Variants in STRN observed in about 807,000 individuals in gnomAD.
The protein encoded by STRN is protein phosphatase 2 regulatory subunit B'''alpha.
STRN carries 53 observed loss-of-function variants against 96.3 expected under a neutral mutation model. The ratio of observed to expected loss-of-function variants is 0.55; its 90% CI spans 0.44 to 0.69. STRN has a LOEUF of 0.69. Ranked by LOEUF, STRN falls within the 30% of genes least tolerant of loss-of-function variation. STRN has a pLI of 0.00. For missense variants in STRN, 987 were observed against 963.9 expected (o/e 1.02, Z -0.32); for synonymous variants, 428 against 355.9 (o/e 1.20, Z -2.28).
chr2:36,849,668 T>C, intron 17 of STRN, 43 bp from the exon 18 acceptor site: 1 of 1,612,676 alleles, frequency 6.2e-7, no homozygotes, highest in Non-Finnish European at 8.5e-7. Context: ...TACATTAACA[T>C]GAAAATGGTA....
rs935322437 is a variant in STRN at position 36,841,896 on chromosome 2, T to C, written c.*7560A>G. 6.6e-6 allele frequency: 1 copy of C among 152,232 alleles called. No homozygotes were observed. Among genetic ancestry groups the C allele is most frequent in the African/African-American group, 2.4e-5 (1 of 41,460 alleles). The allele number at this position is 152,232 out of a possible 1,614,324, so 9.4% of individuals were successfully genotyped here. ...GTGGTATACTGCCAGCCCATTGAAG[T>C]TGAAATGGAAGACAATGTGGCTCAG... is the stretch of plus-strand genomic sequence containing the variant. On this transcript the variant is annotated 3_prime_UTR_variant, in exon 18 of 18. Transcript: ENST00000263918.
chr2:36,946,745 C>T (rs1043606549), intron 1 of STRN, among the ~76,000 whole-genome samples: 2 of 152,068 alleles, frequency 1.3e-5, no homozygotes, highest in African/African-American at 2.4e-5. Context: ...TTTCTTCTAA[C>T]GTAAAATTTA....
At chr2:36,882,327 A>G (rs1165942042) in intron 9 of STRN, among the ~76,000 whole-genome samples, 2 of 152,240 alleles carry the variant, frequency 1.3e-5, no homozygotes, top group Non-Finnish European at 2.9e-5. Flanking sequence ...AAAAATATAC[A>G]TTAATCATAA....
intron 7 of STRN, among the ~76,000 whole-genome samples, chr2:36,887,237 T>C (rs1669259410): frequency 6.7e-6 from 1 of 150,250 alleles, no homozygotes; most frequent in South Asian, 2.1e-4. Context: ...AAGACCAGCC[T>C]GACCAACAGG....
At chr2:36,893,743 C>G (rs1451087089) in intron 7 of STRN, among the ~76,000 whole-genome samples, 155 bp downstream of exon 7, 2 of 151,984 alleles carry the variant, frequency 1.3e-5, no homozygotes, top group Non-Finnish European at 2.9e-5. Flanking sequence ...CTTAAACATA[C>G]ACACACATTC....
At chr2:36,925,260 T>A (rs753414824) in intron 1 of STRN, 52 bp from the exon 2 acceptor site, 2 of 1,334,798 alleles carry the variant, frequency 1.5e-6, no homozygotes, top group South Asian at 2.5e-5. Context: ...AAAAAAAGTT[T>A]TTTTAACTCA....
chr2:36,858,339 T>C (rs1262112794), intron 13 of STRN, among the ~76,000 whole-genome samples: 1 of 152,210 alleles, frequency 6.6e-6, no homozygotes, highest in African/African-American at 2.4e-5. Flanking sequence ...ACGAAATCAT[T>C]TGAATTTAAT....
chr2:36,886,896 G>C (rs893587023), intron 7 of STRN, 70 bp from the exon 8 acceptor site: 1 of 1,223,598 alleles, frequency 8.2e-7, no homozygotes, highest in Non-Finnish European at 1.1e-6. Flanking sequence ...CAGTATGTCT[G>C]AATGACGTAA....
intron 3 of STRN, among the ~76,000 whole-genome samples, chr2:36,908,998 G>A (rs1040395979): frequency 6.8e-6 from 1 of 147,122 alleles, no homozygotes. Context: ...AAACACCCCA[G>A]AAAAAAAAAT....
At chr2:36,961,697 TA>T (rs1420629072) in intron 1 of STRN, among the ~76,000 whole-genome samples, 1 of 152,180 alleles carries the variant, frequency 6.6e-6, no homozygotes, top group Non-Finnish European at 1.5e-5. Flanking sequence ...GGGTCCCTTT[TA>T]AAGATGGTGT....
rs749932125 is a variant in STRN at position 36,899,654 on chromosome 2, A to C, written c.664T>G (p.Ser222Ala). The change falls in exon 6 of 18, where the codon TCT becomes GCT. Residue 222 changes from serine to alanine, a missense_variant. Coordinates refer to ENST00000263918, the MANE Select transcript of STRN (RefSeq NM_003162.4). ...EVKETAMIAK[S>A]ELTDSASVLD... Reference sequence around the variant, plus strand: ...ACGGAGGCAGAATCTGTTAACTCAGATTTTCTGGTGTAAAACATGTATATC... The same window carrying C: ...ACGGAGGCAGAATCTGTTAACTCAGCTTTTCTGGTGTAAAACATGTATATC... 6 of 1,605,960 alleles carry C rather than the reference A, an allele frequency of 3.7e-6. No homozygotes were observed. In the East Asian group the frequency reaches 1.3e-4, roughly 36 times the overall value.
chr2:36,923,241 T>C (rs1267407083), intron 2 of STRN, among the ~76,000 whole-genome samples: 2 of 151,702 alleles, frequency 1.3e-5, no homozygotes, highest in Non-Finnish European at 2.9e-5. Flanking sequence ...CTGAGGTCAG[T>C]AGTTCGAGAC....
intron 1 of STRN, among the ~76,000 whole-genome samples, chr2:36,948,594 G>C (rs1664667901): frequency 1.3e-5 from 2 of 152,182 alleles, no homozygotes; most frequent in South Asian, 4.1e-4. Flanking sequence ...AGTTGCCAAA[G>C]AGATGAGAGA....
At chr2:36,912,230 T>A (rs969080387) in intron 3 of STRN, among the ~76,000 whole-genome samples, 2 of 152,170 alleles carry the variant, frequency 1.3e-5, no homozygotes, top group Non-Finnish European at 2.9e-5. Flanking sequence ...AAGACACACA[T>A]CACACGTGTG....
chr2:36,924,457 G>C (rs1028744431), intron 2 of STRN, among the ~76,000 whole-genome samples: 4 of 151,518 alleles, frequency 2.6e-5, no homozygotes, highest in Non-Finnish European at 4.4e-5. Context: ...TAAATGACAG[G>C]AAAAGGAAAC....
At position 36,843,472 on chromosome 2, in the gene STRN, T is replaced by C. The variant is rs558053547; in HGVS notation, c.*5984A>G. ...TTTAAAAGCCATTTAAACTGAACATTTGAAAAACATAAAACCTATTCATTA... is the reference window on the plus strand; with the variant it reads ...TTTAAAAGCCATTTAAACTGAACATCTGAAAAACATAAAACCTATTCATTA... On this transcript the variant is annotated 3_prime_UTR_variant, in exon 18 of 18. Coordinates refer to ENST00000263918, the MANE Select transcript of STRN (RefSeq NM_003162.4). 1.2e-4 allele frequency among the ~76,000 whole-genome samples: 18 copies of C among 152,264 alleles called. No homozygotes were observed. The South Asian group carries it at 3.1e-3, about 26-fold the overall frequency.
At chr2:36,852,534 G>A (rs1175026329) in intron 15 of STRN, among the ~76,000 whole-genome samples, 1 of 152,120 alleles carries the variant, frequency 6.6e-6, no homozygotes, top group East Asian at 1.9e-4. Context: ...ATATGGTTCA[G>A]AATTAAAAAT....
At chr2:36,901,654 A>T (rs564321140) in intron 5 of STRN, among the ~76,000 whole-genome samples, 1 of 152,120 alleles carries the variant, frequency 6.6e-6, no homozygotes, top group Non-Finnish European at 1.5e-5. Context: ...CACACAGTCT[A>T]TATCTATAGA....
intron 3 of STRN, among the ~76,000 whole-genome samples, chr2:36,906,202 G>A (rs746126884): frequency 2.6e-5 from 4 of 151,920 alleles, no homozygotes; most frequent in African/African-American, 4.8e-5. Flanking sequence ...GGTGGCTCAC[G>A]CCTATAATCC....
Sources: gnomAD v4.1 joint callset for allele counts (sites outside exome capture counted in the v4.1 genomes callset) on GRCh38, gnomAD v4.1.1 for gene constraint, MANE v1.5 for transcripts, NCBI Gene and HGNC (gene_info 2026-07-23, HGNC 2026-07-21) for gene names.